PSMD13: variants seen among roughly 807,000 people sequenced by gnomAD.
The protein encoded by PSMD13 is proteasome 26S subunit, non-ATPase 13.
A neutral mutation model predicts 57.4 loss-of-function variants in PSMD13; 8 were observed. The observed-to-expected ratio is 0.14, with a 90% CI of 0.08 to 0.25. PSMD13 has a LOEUF of 0.25. Ranked by LOEUF, PSMD13 falls within the 10% of genes least tolerant of loss-of-function variation. The pLI is 1.00. For synonymous variants in PSMD13, 193 were observed against 168.2 expected (o/e 1.15, Z -1.14); for missense variants, 400 against 461.5 (o/e 0.87, Z 1.22).
Position 251,105 on chromosome 11 carries a change from T to C in PSMD13, c.837+240T>C. The C allele has an allele frequency of 1.9e-6, 1 of 528,070 alleles. No individual in the cohort carries two copies. The highest frequency in any genetic ancestry group is 2.3e-5 in the South Asian group (1 of 44,164). The allele number at this position is 528,070 out of a possible 1,614,324, so 32.7% of individuals were successfully genotyped here. ...ACTGCCACCACCCTGAGGCCTTCCC[T>C]GACCATCTGAACTGAGATGAAGTAG... On this transcript the variant is annotated intron_variant, in intron 10 of 12. Transcript: ENST00000532097. The surrounding 1 kb of genome is among the most constrained non-coding windows in gnomAD (Gnocchi z 4.6).
At chr11:247,478 C>A (rs1329205682) in intron 7 of PSMD13, 30 bp downstream of exon 7, 1 of 1,601,712 alleles carries the variant, frequency 6.2e-7, no homozygotes, top group Non-Finnish European at 8.5e-7. Flanking sequence ...CCATGTCACA[C>A]AGGAGCATAT....
Position 251,241 on chromosome 11 carries a change from A to G in PSMD13, c.838-305A>G. 1 of 451,898 alleles carries G rather than the reference A, an allele frequency of 2.2e-6. No homozygotes were observed. The highest frequency in any genetic ancestry group is 3.8e-5 in the Admixed American group (1 of 25,988). 28.0% of individuals were successfully genotyped at this position (451,898 alleles called of 1,614,324 possible). The stretch of plus-strand genomic sequence containing the variant: ...TAAGCTTCGTCAGGAAGTGGCCCTT[A>G]GATTTCTGGTTTGCCGTGGTCACCC... On this transcript the variant is annotated intron_variant, in intron 10 of 12. Transcript: ENST00000532097. The surrounding 1 kb of genome is among the most constrained non-coding windows in gnomAD (Gnocchi z 4.6).
intron 2 of PSMD13, among the ~76,000 whole-genome samples, chr11:240,421 T>C (rs1859490141): frequency 1.3e-5 from 2 of 152,174 alleles, no homozygotes; most frequent in South Asian, 4.1e-4. Context: ...CTGAGACCTG[T>C]CTTAATACTT....
chr11:250,106 G>A (rs1416459756), intron 9 of PSMD13, among the ~76,000 whole-genome samples: 1 of 152,194 alleles, frequency 6.6e-6, no homozygotes, highest in Non-Finnish European at 1.5e-5. Flanking sequence ...TGGAGGGGTA[G>A]TGAGCCCTTT....
In PSMD13 at chr11:252,764, G is replaced by A; in HGVS notation, c.*164G>A. The A allele has an allele frequency of 8.0e-6, 5 of 622,380 alleles. No individual in the cohort carries two copies. The South Asian group carries it at 9.5e-5, about 12-fold the overall frequency. 38.6% of individuals were successfully genotyped at this position (622,380 alleles called of 1,614,324 possible). A position where few individuals can be genotyped will look rare whatever the true frequency, so the allele number is the denominator to read the frequency against. On this transcript the variant is annotated 3_prime_UTR_variant, in exon 13 of 13. Coordinates refer to ENST00000532097, the MANE Select transcript of PSMD13 (RefSeq NM_002817.4). This position sits in a 1 kb window ranked among gnomAD's most constrained non-coding sequence, Gnocchi z 4.1. ...TCTAAAAACAGGACTGTCCCTGATG[G>A]GAGCCAGGCCACAGGGAGGAGGCTT...
Position 244,041 on chromosome 11 carries a change from C to A in PSMD13, c.175C>A (p.Leu59Ile), listed in dbSNP as rs748210556. Reference protein sequence around the residue: ...CFAQGDGLIKLYENFISEFEH... With the variant: ...CFAQGDGLIKIYENFISEFEH... ...TTCTCTCCATGTTTTGGTTTCACAG[C>A]TTTATGAAAACTTTATCAGTGAATT... is the stretch of plus-strand genomic sequence containing the variant. The change falls in exon 3 of 13, where the codon CTT becomes ATT. Residue 59 changes from leucine (L) to isoleucine (I), a missense_variant and splice_region_variant. Leu to Ile is a conservative substitution (Grantham distance 5). Transcript: ENST00000532097. 6.2e-7 allele frequency: 1 copy of A among 1,607,660 alleles called. No individual in the cohort carries two copies. The highest frequency in any genetic ancestry group is 1.1e-5 in the South Asian group (1 of 90,180).
chr11:248,002 C>T (rs577298), intron 7 of PSMD13: 36,194 of 152,602 alleles, frequency 0.24, 4,929 homozygotes, highest in Non-Finnish European at 0.3. Flanking sequence ...TCCAGTCCCT[C>T]ACTGTTACCT....
rs1471906908 is a variant in PSMD13, at chr11:247,460, C to G, written c.568+12C>G. The G allele has an allele frequency of 8.1e-6, 13 of 1,610,208 alleles. No homozygotes were observed. The highest frequency in any genetic ancestry group is 1.7e-5 in the Admixed American group (1 of 59,256). Reference sequence around the variant, plus strand: ...CAAGGATCTACCAGGTAACCTAGGCCATTAAATCCATGTCACACAGGAGCA... The same window carrying G: ...CAAGGATCTACCAGGTAACCTAGGCGATTAAATCCATGTCACACAGGAGCA... On this transcript the variant is annotated intron_variant, in intron 7 of 12. Coordinates refer to ENST00000532097, the MANE Select transcript of PSMD13 (RefSeq NM_002817.4).
chr11:241,572 A>G (rs1859516427), intron 2 of PSMD13, among the ~76,000 whole-genome samples: 1 of 152,142 alleles, frequency 6.6e-6, no homozygotes, highest in Non-Finnish European at 1.5e-5. Context: ...AGTTAAGGTC[A>G]TTTGGAGGTT....
At chr11:249,703 G>A (rs1859735179) in intron 9 of PSMD13, among the ~76,000 whole-genome samples, 1 of 152,082 alleles carries the variant, frequency 6.6e-6, no homozygotes, top group Non-Finnish European at 1.5e-5. Context: ...GTCTCTGGAA[G>A]GTGGGAGTTA....
At chr11:243,449 A>G (rs1033454397) in intron 2 of PSMD13, 2 of 296,358 alleles carry the variant, frequency 6.7e-6, no homozygotes, top group Non-Finnish European at 6.7e-6. Context: ...CAATGGTCTT[A>G]TTATTTAAAT....
chr11:250,760 C>T (rs1859751440), intron 9 of PSMD13, 43 bp from the exon 10 acceptor site: 13 of 1,579,910 alleles, frequency 8.2e-6, no homozygotes, highest in Admixed American at 1.7e-5. Context: ...AACTGATAAG[C>T]ACAAACATGG....
rs758300751 is a variant in PSMD13 at position 248,865 on chromosome 11, C to A, written c.648+10C>A. 6.2e-7 allele frequency: 1 copy of A among 1,614,094 alleles called. No homozygotes were observed. The highest frequency in any genetic ancestry group is 8.5e-7 in the Non-Finnish European group (1 of 1,179,990). On this transcript the variant is annotated intron_variant, in intron 8 of 12. Coordinates refer to ENST00000532097, the MANE Select transcript of PSMD13 (RefSeq NM_002817.4). ...TAACTTTGGAGAACTCGTAAGTTGA[C>A]CCTGAGCTCAGCTTCCTTAACGAGA...
chr11:239,139 A>G (rs1859462777), intron 2 of PSMD13, 63 bp downstream of exon 2: 5 of 1,360,704 alleles, frequency 3.7e-6, no homozygotes, highest in Non-Finnish European at 5.3e-6. Flanking sequence ...TGAAAATAAG[A>G]TAGGCTTTAT....
At position 251,966 on chromosome 11, in the gene PSMD13, CTG is replaced by C. The variant is rs1212001262; in HGVS notation, c.1035+33_1035+34del. On this transcript the variant is annotated intron_variant, in intron 12 of 12. Coordinates refer to ENST00000532097, the MANE Select transcript of PSMD13 (RefSeq NM_002817.4). This position sits in a 1 kb window ranked among gnomAD's most constrained non-coding sequence, Gnocchi z 4.6. ...TGTGTTTGAAACCCATTATTCACCTCTGTGGATTTTGAGGGGTTGTGTCTATA... is the reference window on the plus strand; with the variant it reads ...TGTGTTTGAAACCCATTATTCACCTCTGGATTTTGAGGGGTTGTGTCTATA... 2.0e-5 allele frequency: 31 copies of C among 1,584,592 alleles called. No homozygotes were observed. Among genetic ancestry groups the C allele is most frequent in the Admixed American group, 3.4e-5 (2 of 59,336 alleles).
rs1301176913 is a variant in PSMD13, at chr11:248,880, C to G, written c.648+25C>G. ...CGTAAGTTGACCCTGAGCTCAGCTTCCTTAACGAGAGAGACTAAAGTGTTA... is the reference window on the plus strand; with the variant it reads ...CGTAAGTTGACCCTGAGCTCAGCTTGCTTAACGAGAGAGACTAAAGTGTTA... On this transcript the variant is annotated intron_variant, in intron 8 of 12. Coordinates refer to ENST00000532097, the MANE Select transcript of PSMD13 (RefSeq NM_002817.4). The G allele has an allele frequency of 3.7e-6, 6 of 1,614,098 alleles. No homozygotes were observed. The South Asian group carries it at 6.6e-5, about 18-fold the overall frequency.
Position 252,424 on chromosome 11 carries a change from C to T in PSMD13, c.1036-81C>T. On this transcript the variant is annotated intron_variant, in intron 12 of 12. Transcript: ENST00000532097. This position sits in a 1 kb window ranked among gnomAD's most constrained non-coding sequence, Gnocchi z 4.1. ...AGAGTTAGCTGGAGATGTAGAGTCA[C>T]CCCATCAGGTGCTGTGCCGGCCGCT... 7.7e-7 allele frequency: 1 copy of T among 1,296,282 alleles called. No homozygotes were observed. The highest frequency in any genetic ancestry group is 1.1e-6 in the Non-Finnish European group (1 of 894,200). The allele number at this position is 1,296,282 out of a possible 1,614,324, so 80.3% of individuals were successfully genotyped here. A position where few individuals can be genotyped will look rare whatever the true frequency, so the allele number is the denominator to read the frequency against.
In PSMD13 at chr11:252,624, C is replaced by G. The variant is rs372882483; in HGVS notation, c.*24C>G. On this transcript the variant is annotated 3_prime_UTR_variant, in exon 13 of 13. Coordinates refer to ENST00000532097, the MANE Select transcript of PSMD13 (RefSeq NM_002817.4). The surrounding 1 kb of genome is among the most constrained non-coding windows in gnomAD (Gnocchi z 4.1). ...AGGGCCCCCTGGTTCCCCGTCGTGT[C>G]TCCTTTGACTCACCTGAGAGAGGCG... 1.9e-6 allele frequency: 3 copies of G among 1,606,560 alleles called. No homozygotes were observed. In the African/African-American group the frequency reaches 4.0e-5, roughly 21 times the overall value.
rs749991654 is a variant in PSMD13 at position 252,514 on chromosome 11, A to C, written c.1045A>C (p.Met349Leu). Residue 349 changes from methionine (M) to leucine (L), a missense_variant, in exon 13 of 13, where the codon ATG becomes CTG. Coordinates refer to ENST00000532097, the MANE Select transcript of PSMD13 (RefSeq NM_002817.4). This position sits in a 1 kb window ranked among gnomAD's most constrained non-coding sequence, Gnocchi z 4.1. ...CGGATTTCCATTTCAGATCAAGGGAATGAAGGACCGCCTGGAGTTCTGGTG... is the reference window on the plus strand; with the variant it reads ...CGGATTTCCATTTCAGATCAAGGGACTGAAGGACCGCCTGGAGTTCTGGTG... ...RVLDLQQIKG[M>L]KDRLEFWCTD... 1 of 1,614,022 alleles carries C rather than the reference A, an allele frequency of 6.2e-7. No individual in the cohort carries two copies. Among genetic ancestry groups the C allele is most frequent in the South Asian group, 1.1e-5 (1 of 91,080 alleles).
Sources: gnomAD v4.1 joint callset for allele counts (sites outside exome capture counted in the v4.1 genomes callset) on GRCh38, gnomAD v4.1.1 for gene constraint, Gnocchi (gnomAD v3.1) non-coding constraint, MANE v1.5 for transcripts, NCBI Gene and HGNC (gene_info 2026-07-23, HGNC 2026-07-21) for gene names.